HTR1E: variants seen among roughly 807,000 people sequenced by gnomAD.
HTR1E encodes 5-HT-1E.
HTR1E carries 3 observed loss-of-function variants against 3.4 expected under a neutral mutation model. The observed-to-expected ratio is 0.89, with a 90% confidence interval of 0.41 to 2.31. The LOEUF is 2.31. HTR1E is among the 30% of genes most tolerant of loss of function. The pLI, the probability that HTR1E is intolerant of heterozygous loss-of-function variation, is 0.05. For missense variants in HTR1E, 392 were observed against 467.0 expected (o/e 0.84, Z 1.48); for synonymous variants, 170 against 182.8 (o/e 0.93, Z 0.56).
intron 1 of HTR1E, among the ~76,000 whole-genome samples, chr6:86,978,747 G>T (rs1008482266): frequency 3.3e-5 from 5 of 152,194 alleles, no homozygotes; most frequent in Non-Finnish European, 7.3e-5. Flanking sequence ...AAGTGTTTCT[G>T]CAGGTTAGGC....
intron 1 of HTR1E, among the ~76,000 whole-genome samples, chr6:86,967,777 T>C (rs944839924): frequency 6.6e-6 from 1 of 152,210 alleles, no homozygotes; most frequent in Non-Finnish European, 1.5e-5. Flanking sequence ...AAGTGTTTTA[T>C]AAACCTATCT....
intron 1 of HTR1E, among the ~76,000 whole-genome samples, chr6:86,976,853 C>A (rs2127824426): frequency 6.6e-6 from 1 of 152,248 alleles, no homozygotes; most frequent in Admixed American, 6.5e-5. Flanking sequence ...TGAAGTTATT[C>A]TCTTCGTATT....
At position 87,015,222 on chromosome 6, in the gene HTR1E, G is replaced by A. The variant is rs1768300419; in HGVS notation, c.-113G>A. 2 of 880,738 alleles carry A rather than the reference G, an allele frequency of 2.3e-6. No individual in the cohort carries two copies. Among genetic ancestry groups the A allele is most frequent in the African/African-American group, 1.7e-5 (1 of 58,878 alleles). 54.6% of individuals were successfully genotyped at this position (880,738 alleles called of 1,614,324 possible). The stretch of plus-strand genomic sequence containing the variant: ...AAAATGGAACACAAGAGACCACATA[G>A]CTGAACAAATTATAGCCTCCTTACA... On this transcript the variant is annotated 5_prime_UTR_variant, in exon 2 of 2. It removes the in-frame stop codon of an upstream open reading frame in the 5' UTR. Coordinates refer to ENST00000305344, the MANE Select transcript of HTR1E (RefSeq NM_000865.3).
chr6:86,943,312 C>G (rs915594505), intron 1 of HTR1E, among the ~76,000 whole-genome samples: 4 of 152,114 alleles, frequency 2.6e-5, no homozygotes, highest in Admixed American at 1.3e-4. Context: ...ACTGACCTAC[C>G]CTGTGCATGT....
At chr6:86,940,218 C>T (rs1768526010) in intron 1 of HTR1E, among the ~76,000 whole-genome samples, 1 of 152,108 alleles carries the variant, frequency 6.6e-6, no homozygotes, top group Non-Finnish European at 1.5e-5. Context: ...CCCACCACCA[C>T]CAAGATACCA....
At chr6:86,991,751 A>T (rs1767872086) in intron 1 of HTR1E, among the ~76,000 whole-genome samples, 1 of 152,192 alleles carries the variant, frequency 6.6e-6, no homozygotes, top group Non-Finnish European at 1.5e-5. Context: ...GTAAAAGCTC[A>T]AACCAACAAG....
At chr6:87,006,047 T>TA (rs1337648013) in intron 1 of HTR1E, among the ~76,000 whole-genome samples, 1 of 152,192 alleles carries the variant, frequency 6.6e-6, no homozygotes, top group Non-Finnish European at 1.5e-5. Context: ...TTACCCAAGT[T>TA]AAAATGGCAT....
chr6:86,986,951 G>A (rs149825398), intron 1 of HTR1E, among the ~76,000 whole-genome samples: 89 of 152,072 alleles, frequency 5.9e-4, no homozygotes, highest in African/African-American at 2.1e-3. Flanking sequence ...AAGAAAAGGA[G>A]GCAAAAATTG....
chr6:86,957,098 T>G (rs1026183798), intron 1 of HTR1E, among the ~76,000 whole-genome samples: 1 of 152,216 alleles, frequency 6.6e-6, no homozygotes, highest in African/African-American at 2.4e-5. Flanking sequence ...TCTTCAGAAA[T>G]CCAACAAACC....
intron 1 of HTR1E, among the ~76,000 whole-genome samples, chr6:87,014,561 G>A (rs983851773): frequency 1.3e-5 from 2 of 152,122 alleles, no homozygotes; most frequent in African/African-American, 4.8e-5. Flanking sequence ...CAACCCAAAT[G>A]CCCATCAGTG....
intron 1 of HTR1E, among the ~76,000 whole-genome samples, chr6:86,982,894 C>T (rs573261835): frequency 1.5e-4 from 23 of 152,088 alleles, no homozygotes; most frequent in African/African-American, 5.3e-4. Context: ...AACCATCCAG[C>T]GTGAAGTCTA....
chr6:86,955,582 TGAGA>T (rs1767309482), intron 1 of HTR1E, among the ~76,000 whole-genome samples: 1 of 152,226 alleles, frequency 6.6e-6, no homozygotes, highest in African/African-American at 2.4e-5. Flanking sequence ...ACAGAAGCTG[TGAGA>T]TAATAAATTT....
chr6:86,943,172 GTT>G lies in HTR1E; in HGVS notation c.-186+5352_-186+5353del, dbSNP rs924175067. On this transcript the variant is annotated intron_variant, in intron 1 of 1. Coordinates refer to ENST00000305344, the MANE Select transcript of HTR1E (RefSeq NM_000865.3). ...TAAAATACATGAAATTTGTAGCTAT[GTT>G]TTGCCTGTTTAGTAAAATGAGTCTG... 5.3e-5 allele frequency among the ~76,000 whole-genome samples: 8 copies of G among 152,158 alleles called. 1 individual carries two copies. The highest frequency in any genetic ancestry group is 1.9e-4 in the African/African-American group (8 of 41,436).
chr6:86,999,887 A>G (rs1003367859), intron 1 of HTR1E, among the ~76,000 whole-genome samples: 1 of 152,200 alleles, frequency 6.6e-6, no homozygotes, highest in East Asian at 1.9e-4. Context: ...AGGTGCTACT[A>G]TCTACACAAA....
At chr6:86,989,338 G>A (rs1767841380) in intron 1 of HTR1E, among the ~76,000 whole-genome samples, 1 of 152,196 alleles carries the variant, frequency 6.6e-6, no homozygotes, top group South Asian at 2.1e-4. Context: ...ATGCCCTGAT[G>A]AGAAGTGGTC....
At chr6:86,971,808 G>A (rs1211758317) in intron 1 of HTR1E, among the ~76,000 whole-genome samples, 3 of 152,056 alleles carry the variant, frequency 2.0e-5, no homozygotes, top group Non-Finnish European at 2.9e-5. Context: ...CCCAAGTAGC[G>A]AACACAGGTA....
intron 1 of HTR1E, among the ~76,000 whole-genome samples, chr6:87,005,623 A>G (rs907868332): frequency 2.0e-5 from 3 of 152,194 alleles, no homozygotes; most frequent in African/African-American, 7.2e-5. Context: ...CTAAGACCTC[A>G]AACTATGAAA....
At chr6:86,956,709 C>T (rs1767330326) in intron 1 of HTR1E, among the ~76,000 whole-genome samples, 1 of 152,142 alleles carries the variant, frequency 6.6e-6, no homozygotes, top group South Asian at 2.1e-4. Flanking sequence ...ACAAAATAAA[C>T]TTCTAAATTG....
chr6:86,986,459 CTT>C (rs1327221007), intron 1 of HTR1E, among the ~76,000 whole-genome samples: 2 of 152,140 alleles, frequency 1.3e-5, no homozygotes, highest in African/African-American at 4.8e-5. Flanking sequence ...TGAAGGCAGT[CTT>C]TTTAAATTCT....
Sources: gnomAD v4.1 joint callset for allele counts (sites outside exome capture counted in the v4.1 genomes callset) on GRCh38, gnomAD v4.1.1 for gene constraint, MANE v1.5 for transcripts, NCBI Gene and HGNC (gene_info 2026-07-23, HGNC 2026-07-21) for gene names.